The following MAN1A2 variants were observed in gnomAD, a reference collection of about 807,000 sequenced individuals.
MAN1A2 encodes mannosyl-oligosaccharide 1,2-alpha-mannosidase IB.
In MAN1A2, 26 loss-of-function variants were observed where a neutral mutation model predicts 75.7. That is an observed-to-expected ratio of 0.34 (90% CI 0.25 to 0.48). The LOEUF (loss-of-function observed/expected upper bound fraction) is 0.48. Among genes scored for constraint, MAN1A2 ranks in the 20% least tolerant of loss-of-function variants. The probability of loss-of-function intolerance (pLI) is 0.99; values close to 1 mark genes in which losing one functional copy is unlikely to be tolerated. For missense variants in MAN1A2, 562 were observed against 775.5 expected (o/e 0.72, Z 3.27); for synonymous variants, 247 against 264.6 (o/e 0.93, Z 0.65).
chr1:117,527,030 C>G lies in MAN1A2; in HGVS notation c.*4073C>G, dbSNP rs979246265. ...CAGTTGAAAACTGGTTTCGGCTGCA[C>G]AAATAAGCAGAATATTTGAGTAACT... is the stretch of plus-strand genomic sequence containing the variant. On this transcript the variant is annotated 3_prime_UTR_variant, in exon 13 of 13. Transcript: ENST00000356554. 1 of 151,176 alleles carries G rather than the reference C, an allele frequency of 6.6e-6. No homozygotes were observed. The highest frequency in any genetic ancestry group is 1.5e-5 in the Non-Finnish European group (1 of 67,686). 9.4% of individuals were successfully genotyped at this position (151,176 alleles called of 1,614,324 possible). A position where few individuals can be genotyped will look rare whatever the true frequency, so the allele number is the denominator to read the frequency against.
chr1:117,490,203 T>G (rs926055229), intron 8 of MAN1A2, among the ~76,000 whole-genome samples: 2 of 152,054 alleles, frequency 1.3e-5, no homozygotes, highest in African/African-American at 4.8e-5. Flanking sequence ...TTGGTGTGTG[T>G]GTGTGTGTTT....
At chr1:117,380,567 A>C (rs556275364) in intron 1 of MAN1A2, among the ~76,000 whole-genome samples, 1 of 152,300 alleles carries the variant, frequency 6.6e-6, no homozygotes, top group Non-Finnish European at 1.5e-5. Context: ...TAGAGGTCCA[A>C]ATTAATTATT....
intron 5 of MAN1A2, among the ~76,000 whole-genome samples, chr1:117,421,855 A>T (rs1648211518): frequency 6.6e-6 from 1 of 152,102 alleles, no homozygotes; most frequent in African/African-American, 2.4e-5. Flanking sequence ...GAATCACATA[A>T]GGTGTTTTAT....
chr1:117,499,297 T>G, intron 10 of MAN1A2, 85 bp from the exon 11 acceptor site: 1 of 963,472 alleles, frequency 1.0e-6, no homozygotes, highest in Non-Finnish European at 1.4e-6. Flanking sequence ...TACTTCATAT[T>G]CTGTTCTTTC....
intron 1 of MAN1A2, among the ~76,000 whole-genome samples, chr1:117,393,971 G>A (rs903110467): frequency 1.3e-5 from 2 of 152,124 alleles, no homozygotes; most frequent in Non-Finnish European, 1.5e-5. Context: ...TGTTTACTGA[G>A]TACCTGCTGT....
chr1:117,514,803 A>G (rs772047730), intron 12 of MAN1A2: 13 of 531,216 alleles, frequency 2.4e-5, no homozygotes, highest in Non-Finnish European at 3.9e-5. Flanking sequence ...CAAAGCCACT[A>G]TTTCCTTTGT....
In MAN1A2 at chr1:117,392,292, A is replaced by G. The variant is rs993637794; in HGVS notation, c.303-9894A>G. Among the ~76,000 whole-genome samples the G allele has an allele frequency of 4.0e-5, 6 of 151,736 alleles. No individual in the cohort carries two copies. In the South Asian group the frequency reaches 6.3e-4, roughly 16 times the overall value. On this transcript the variant is annotated intron_variant, in intron 1 of 12. Coordinates refer to ENST00000356554, the MANE Select transcript of MAN1A2 (RefSeq NM_006699.5). ...CTTCTGTGTCTTTGTACACTCTGCTATCTTCGTCTAGAATGCCCTTATTAC... is the reference window on the plus strand; with the variant it reads ...CTTCTGTGTCTTTGTACACTCTGCTGTCTTCGTCTAGAATGCCCTTATTAC...
At chr1:117,384,910 A>G (rs1653473656) in intron 1 of MAN1A2, among the ~76,000 whole-genome samples, 1 of 152,184 alleles carries the variant, frequency 6.6e-6, no homozygotes, top group Non-Finnish European at 1.5e-5. Context: ...AGAAAGATGT[A>G]ATTTGCAGAG....
At chr1:117,479,777 AT>A (rs199787157) in intron 8 of MAN1A2, among the ~76,000 whole-genome samples, 6 of 149,290 alleles carry the variant, frequency 4.0e-5, no homozygotes, top group Admixed American at 6.7e-5. Context: ...ATTGTGCATT[AT>A]TTTTTTTTGC....
intron 12 of MAN1A2, among the ~76,000 whole-genome samples, chr1:117,511,446 A>G (rs375105855): frequency 2.0e-5 from 3 of 151,828 alleles, no homozygotes; most frequent in East Asian, 3.9e-4. Flanking sequence ...AAGTGCTGGG[A>G]CTACAGGTAT....
intron 8 of MAN1A2, among the ~76,000 whole-genome samples, chr1:117,488,447 C>T (rs985271458): frequency 5.3e-5 from 8 of 151,958 alleles, no homozygotes; most frequent in East Asian, 1.9e-4. Context: ...CTGATCACCT[C>T]GGCCTCCCAA....
At chr1:117,483,880 A>AT (rs1230089135) in intron 8 of MAN1A2, among the ~76,000 whole-genome samples, 5 of 152,070 alleles carry the variant, frequency 3.3e-5, no homozygotes, top group Non-Finnish European at 5.9e-5. Context: ...TTTGTCATAA[A>AT]TAGCTCTTAT....
chr1:117,445,406 G>T (rs1649187071), intron 6 of MAN1A2, among the ~76,000 whole-genome samples: 1 of 152,076 alleles, frequency 6.6e-6, no homozygotes, highest in African/African-American at 2.4e-5. Context: ...ATAATTCGTG[G>T]AGTGCTGTAG....
chr1:117,416,695 A>G (rs995351958), intron 4 of MAN1A2, among the ~76,000 whole-genome samples: 2 of 152,174 alleles, frequency 1.3e-5, no homozygotes, highest in African/African-American at 4.8e-5. Context: ...AGGAAACAGG[A>G]AACAGCTGCC....
intron 5 of MAN1A2, among the ~76,000 whole-genome samples, chr1:117,424,072 A>G (rs894234603): frequency 1.1e-4 from 16 of 152,104 alleles, no homozygotes; most frequent in African/African-American, 3.9e-4. Flanking sequence ...TAATTCTAGT[A>G]GCTTTAAAAT....
In MAN1A2 at chr1:117,521,255, A is replaced by G. The variant is rs1651863703; in HGVS notation, c.1794-1570A>G. ...CTTCTAGACATTGGCTTAGGCAAGG[A>G]TTTCATGACCAAGAACCCAAAAGCA... On this transcript the variant is annotated intron_variant, in intron 12 of 12. Transcript: ENST00000356554. Among the ~76,000 whole-genome samples, 5 of 152,086 alleles carry G rather than the reference A, an allele frequency of 3.3e-5. No homozygotes were observed. In the South Asian group the frequency reaches 1.0e-3, roughly 32 times the overall value.
intron 1 of MAN1A2, among the ~76,000 whole-genome samples, chr1:117,371,743 CCTT>C (rs1212208968): frequency 6.6e-6 from 1 of 152,074 alleles, no homozygotes; most frequent in Non-Finnish European, 1.5e-5. Flanking sequence ...TTTTTGGCCT[CCTT>C]ATTGTTGTTA....
intron 12 of MAN1A2, among the ~76,000 whole-genome samples, chr1:117,519,380 A>G (rs1370312894): frequency 6.6e-6 from 1 of 152,116 alleles, no homozygotes; most frequent in Non-Finnish European, 1.5e-5. Context: ...AATACAAAAG[A>G]TGAATGAAAC....
chr1:117,376,305 A>C (rs1200032650), intron 1 of MAN1A2, among the ~76,000 whole-genome samples: 1 of 59,630 alleles, frequency 1.7e-5, no homozygotes, highest in African/African-American at 9.0e-5. Context: ...CATCCGGTCC[A>C]GCATGACTCA....
Sources: gnomAD v4.1 joint callset for allele counts (sites outside exome capture counted in the v4.1 genomes callset) on GRCh38, gnomAD v4.1.1 for gene constraint, MANE v1.5 for transcripts, NCBI Gene and HGNC (gene_info 2026-07-23, HGNC 2026-07-21) for gene names.